The following FNDC3B variants were observed in gnomAD, a reference collection of about 807,000 sequenced individuals.
FNDC3B encodes fibronectin type III domain-containing protein 3B.
FNDC3B carries 12 observed loss-of-function variants against 151.5 expected under a neutral mutation model. That is an observed-to-expected ratio of 0.08 (90% CI 0.05 to 0.13). The LOEUF is 0.13. FNDC3B is among the 10% of genes least tolerant of loss of function. FNDC3B has a pLI of 1.00. For missense variants in FNDC3B, 1,214 were observed against 1,505.3 expected (o/e 0.81, Z 3.20); for synonymous variants, 528 against 549.0 (o/e 0.96, Z 0.54).
intron 3 of FNDC3B, among the ~76,000 whole-genome samples, chr3:172,209,521 G>A (rs1725615265): frequency 6.6e-6 from 1 of 152,172 alleles, no homozygotes; most frequent in African/African-American, 2.4e-5. Flanking sequence ...ATGAGTCGCT[G>A]AGTCTGGGGG....
At chr3:172,336,918 A>C (rs888716133) in intron 15 of FNDC3B, among the ~76,000 whole-genome samples, 1 of 152,082 alleles carries the variant, frequency 6.6e-6, no homozygotes, top group Non-Finnish European at 1.5e-5. Flanking sequence ...GAAAAAAAAA[A>C]AAAACAAAAG....
Position 172,074,842 on chromosome 3 carries a change from G to C in FNDC3B, c.-29+35071G>C, listed in dbSNP as rs562312060. On this transcript the variant is annotated intron_variant, in intron 1 of 25. Transcript: ENST00000415807. Reference sequence around the variant, plus strand: ...AACTGCATCTGGCATAATTGGTGTTGTCATCCAGTGTCAAACTATCCACCC... The same window carrying C: ...AACTGCATCTGGCATAATTGGTGTTCTCATCCAGTGTCAAACTATCCACCC... Among the ~76,000 whole-genome samples the C allele has an allele frequency of 6.6e-5, 10 of 152,280 alleles. No homozygotes were observed. The South Asian group carries it at 1.5e-3, about 22-fold the overall frequency.
At chr3:172,182,866 T>C (rs1723986678) in intron 3 of FNDC3B, among the ~76,000 whole-genome samples, 1 of 152,004 alleles carries the variant, frequency 6.6e-6, no homozygotes, top group Non-Finnish European at 1.5e-5. Context: ...GAAAAGGGAG[T>C]AAAAGGAACT....
At chr3:172,334,262 C>T (rs1216533117) in intron 14 of FNDC3B, among the ~76,000 whole-genome samples, 2 of 151,912 alleles carry the variant, frequency 1.3e-5, no homozygotes, top group African/African-American at 4.8e-5. Context: ...ATACTGCTAA[C>T]GTTTCTCCAC....
chr3:172,150,019 A>C (rs1722139808), intron 3 of FNDC3B, among the ~76,000 whole-genome samples: 1 of 151,772 alleles, frequency 6.6e-6, no homozygotes, highest in Non-Finnish European at 1.5e-5. Context: ...GGGTTTCACC[A>C]TATTGGCCAG....
chr3:172,217,234 G>A (rs895035036), intron 3 of FNDC3B, among the ~76,000 whole-genome samples: 3 of 152,178 alleles, frequency 2.0e-5, no homozygotes, highest in African/African-American at 7.2e-5. Flanking sequence ...GGAGTTGAAG[G>A]TTATATTACA....
intron 4 of FNDC3B, among the ~76,000 whole-genome samples, chr3:172,239,053 A>T (rs866512637): frequency 0.047 from 4,420 of 94,706 alleles, 206 homozygotes; most frequent in African/African-American, 0.25. Context: ...TAATTAATTT[A>T]TTTTTTTTTT....
chr3:172,385,771 G>C (rs6782226), intron 25 of FNDC3B, among the ~76,000 whole-genome samples: 79 of 152,118 alleles, frequency 5.2e-4, no homozygotes, highest in African/African-American at 1.9e-3. Flanking sequence ...TCTTAGCCAG[G>C]ATGGTCTCGA....
At chr3:172,284,911 C>G (rs550580413) in intron 6 of FNDC3B, among the ~76,000 whole-genome samples, 1 of 151,780 alleles carries the variant, frequency 6.6e-6, no homozygotes, top group Non-Finnish European at 1.5e-5. Flanking sequence ...GGAGTCTACT[C>G]TAAACTCAAA....
At chr3:172,245,745 T>G (rs1296600521) in intron 4 of FNDC3B, among the ~76,000 whole-genome samples, 1 of 152,218 alleles carries the variant, frequency 6.6e-6, no homozygotes, top group Admixed American at 6.5e-5. Context: ...TAAATGGGGT[T>G]AGTGTGATTA....
intron 2 of FNDC3B, among the ~76,000 whole-genome samples, chr3:172,120,219 T>A (rs919776844): frequency 9.2e-5 from 14 of 152,280 alleles, no homozygotes; most frequent in Middle Eastern, 3.4e-3. Context: ...AGATATAAGA[T>A]GTAGTCAGTA....
chr3:172,180,265 A>G (rs966112669), intron 3 of FNDC3B, among the ~76,000 whole-genome samples: 1 of 152,204 alleles, frequency 6.6e-6, no homozygotes. Flanking sequence ...GTAAAAATGC[A>G]GAATCCTGGG....
chr3:172,161,995 G>GT (rs889921971), intron 3 of FNDC3B, among the ~76,000 whole-genome samples: 2 of 151,278 alleles, frequency 1.3e-5, no homozygotes, highest in African/African-American at 4.9e-5. Flanking sequence ...TTTTTGGGGG[G>GT]GGACAGAGTC....
intron 3 of FNDC3B, among the ~76,000 whole-genome samples, chr3:172,190,911 C>T (rs536578153): frequency 4.6e-5 from 7 of 152,268 alleles, no homozygotes; most frequent in Non-Finnish European, 7.4e-5. Context: ...TCAGGTGATC[C>T]GCCTGCCTTG....
chr3:172,208,528 A>G (rs1211225178), intron 3 of FNDC3B, among the ~76,000 whole-genome samples: 2 of 152,212 alleles, frequency 1.3e-5, no homozygotes, highest in African/African-American at 4.8e-5. Context: ...AAGTTGCTAT[A>G]TAATCGTTGT....
At chr3:172,292,934 G>A (rs1490154913) in intron 7 of FNDC3B, among the ~76,000 whole-genome samples, 1 of 152,154 alleles carries the variant, frequency 6.6e-6, no homozygotes, top group Non-Finnish European at 1.5e-5. Flanking sequence ...ATGCAGGGAT[G>A]GAAAATAGGC....
chr3:172,379,482 C>T (rs780904774), intron 24 of FNDC3B, among the ~76,000 whole-genome samples: 11 of 152,224 alleles, frequency 7.2e-5, no homozygotes, highest in African/African-American at 1.2e-4. Context: ...TTGGATTCTA[C>T]GAACCTCATA....
At chr3:172,155,636 C>G (rs1239914858) in intron 3 of FNDC3B, among the ~76,000 whole-genome samples, 2 of 152,216 alleles carry the variant, frequency 1.3e-5, no homozygotes, top group African/African-American at 2.4e-5. Context: ...TTGCTCGCCT[C>G]TAACTCAGTC....
At chr3:172,347,494 A>G (rs1407504783) in intron 21 of FNDC3B, 133 bp downstream of exon 21, 13 of 578,832 alleles carry the variant, frequency 2.2e-5, no homozygotes, top group Admixed American at 1.2e-4. Context: ...CCATTTAAAT[A>G]AAAATATATT....
Sources: gnomAD v4.1 joint callset for allele counts (sites outside exome capture counted in the v4.1 genomes callset) on GRCh38, gnomAD v4.1.1 for gene constraint, MANE v1.5 for transcripts, NCBI Gene and HGNC (gene_info 2026-07-23, HGNC 2026-07-21) for gene names.